NAA50: variants seen among roughly 807,000 people sequenced by gnomAD.
NAA50 encodes the protein N-alpha-acetyltransferase 50, NatE catalytic subunit, also known as N-alpha-acetyltransferase 50.
In NAA50, 7 loss-of-function variants were observed where a neutral mutation model predicts 20.7. That is an observed-to-expected ratio of 0.34 (90% CI 0.19 to 0.63). The LOEUF is 0.63. Ranked by LOEUF, NAA50 falls within the 30% of genes least tolerant of loss-of-function variation. NAA50 has a pLI of 0.75. For synonymous variants in NAA50, 54 were observed against 70.6 expected (o/e 0.77, Z 1.18); for missense variants, 111 against 199.1 (o/e 0.56, Z 2.66).
chr3:113,734,967 G>C (rs114481139), intron 1 of NAA50, among the ~76,000 whole-genome samples: 2 of 152,268 alleles, frequency 1.3e-5, no homozygotes, highest in Admixed American at 6.5e-5. Flanking sequence ...ATAAAAACTA[G>C]GTAGTAAAGG....
intron 1 of NAA50, chr3:113,741,074 C>G (rs1708407280): frequency 1.9e-6 from 1 of 515,150 alleles, no homozygotes; most frequent in Admixed American, 2.4e-5. Context: ...AAGCTGTCCA[C>G]ATACAGCATT....
chr3:113,739,187 T>C (rs957108095), intron 1 of NAA50, among the ~76,000 whole-genome samples: 4 of 152,246 alleles, frequency 2.6e-5, no homozygotes, highest in Admixed American at 6.5e-5. Context: ...AAGCTATTAG[T>C]TATTTCTATC....
chr3:113,741,217 T>C (rs183111977), intron 1 of NAA50: 4 of 469,878 alleles, frequency 8.5e-6, no homozygotes, highest in South Asian at 5.4e-5. Context: ...CTGCCCAGCA[T>C]TCCTGCTCCA....
chr3:113,742,425 C>CTTTT lies in NAA50; in HGVS notation c.8+3513_8+3516dup, dbSNP rs770744656. On this transcript the variant is annotated intron_variant, in intron 1 of 4. Transcript: ENST00000240922. The stretch of plus-strand genomic sequence containing the variant: ...TACAGACTTGCACCAGCATGCCTGG[C>CTTTT]TTTTTTTTTTTTTTTTTTGAGACAG... Among the ~76,000 whole-genome samples the CTTTT allele has an allele frequency of 1.8e-3, 233 of 130,208 alleles. 6 individuals are homozygous for CTTTT. Among genetic ancestry groups the CTTTT allele is most frequent in the African/African-American group, 6.4e-3 (222 of 34,488 alleles). 85.4% of individuals were successfully genotyped at this position (130,208 alleles called of 152,430 possible). A position where few individuals can be genotyped will look rare whatever the true frequency, so the allele number is the denominator to read the frequency against.
rs989577988 is a variant in NAA50, at chr3:113,728,995, T to C, written c.9-4900A>G. 3.9e-5 allele frequency among the ~76,000 whole-genome samples: 6 copies of C among 151,966 alleles called. No homozygotes were observed. The South Asian group carries it at 8.3e-4, about 21-fold the overall frequency. On this transcript the variant is annotated intron_variant, in intron 1 of 4. Coordinates refer to ENST00000240922, the MANE Select transcript of NAA50 (RefSeq NM_025146.4). ...ATACACTTTTTTCCTTTTCTTTTTT[T>C]TTTTTTTTGAGACGGAGTCTCCCTC...
intron 3 of NAA50, 137 bp from the exon 4 acceptor site, chr3:113,723,109 A>G: frequency 8.1e-7 from 1 of 1,232,796 alleles, no homozygotes; most frequent in South Asian, 1.8e-5. Flanking sequence ...CTTATTTTCC[A>G]AAGTTGTGTT....
intron 1 of NAA50, chr3:113,739,457 T>C (rs936253793): frequency 6.6e-6 from 1 of 152,150 alleles, no homozygotes; most frequent in East Asian, 1.9e-4. Flanking sequence ...TCTTAGGAAA[T>C]TATCCAAAAG....
In NAA50 at chr3:113,721,880, C is replaced by G. The variant is rs780698503; in HGVS notation, c.390G>C (p.Glu130Asp). 2.5e-6 allele frequency: 4 copies of G among 1,613,770 alleles called. No individual in the cohort carries two copies. The East Asian group carries it at 8.9e-5, about 36-fold the overall frequency. ...AGTAGTTCTTCTTTGTCTCAATAAT[C>G]TCAAAGCCAAACTTCCTGTAGAAGT... ...AIDFYRKFGF[E>D]IIETKKNYYK... Residue 130 changes from glutamate to aspartate, a missense_variant, in exon 5 of 5, where the codon GAG becomes GAC. By Grantham distance (45) the Glu-to-Asp change is conservative (BLOSUM62 2). Coordinates refer to ENST00000240922, the MANE Select transcript of NAA50 (RefSeq NM_025146.4).
chr3:113,726,244 G>C (rs112152836), intron 1 of NAA50, among the ~76,000 whole-genome samples: 1 of 151,940 alleles, frequency 6.6e-6, no homozygotes, highest in Non-Finnish European at 1.5e-5. Context: ...CAGCACCATA[G>C]GAAGTTTAAA....
chr3:113,744,969 C>T (rs1433342858), intron 1 of NAA50, among the ~76,000 whole-genome samples: 4 of 152,186 alleles, frequency 2.6e-5, no homozygotes, highest in African/African-American at 9.7e-5. Context: ...GTTACGACTT[C>T]TTAATCGACT....
intron 1 of NAA50, among the ~76,000 whole-genome samples, chr3:113,736,514 C>T (rs1020030170): frequency 1.3e-5 from 2 of 152,174 alleles, no homozygotes; most frequent in Non-Finnish European, 2.9e-5. Context: ...ATAAATCAAG[C>T]AGTGTGATGA....
intron 1 of NAA50, among the ~76,000 whole-genome samples, chr3:113,724,361 G>T (rs1708175213): frequency 6.6e-6 from 1 of 152,176 alleles, no homozygotes; most frequent in Admixed American, 6.5e-5. Context: ...TTCTGCAAGT[G>T]TCAAAATTTT....
At chr3:113,743,782 G>A (rs538247675) in intron 1 of NAA50, among the ~76,000 whole-genome samples, 3 of 152,208 alleles carry the variant, frequency 2.0e-5, no homozygotes, top group African/African-American at 7.2e-5. Flanking sequence ...TTCAATAGTT[G>A]TAAGTTTCCT....
intron 1 of NAA50, among the ~76,000 whole-genome samples, chr3:113,742,529 G>A (rs939624606): frequency 3.3e-5 from 5 of 151,616 alleles, no homozygotes; most frequent in Admixed American, 6.6e-5. Flanking sequence ...AGGTTCAGGT[G>A]ATTCTCCTGG....
chr3:113,720,957 C>T lies in NAA50; in HGVS notation c.*803G>A, dbSNP rs150091303. ...AACGGGAAAAAATTAAATCACAACA[C>T]ACCTCTTTAGGTCAGTTAAAGGCCA... On this transcript the variant is annotated 3_prime_UTR_variant, in exon 5 of 5. Coordinates refer to ENST00000240922, the MANE Select transcript of NAA50 (RefSeq NM_025146.4). 1 of 152,608 alleles carries T rather than the reference C, an allele frequency of 6.6e-6. No individual in the cohort carries two copies. The highest frequency in any genetic ancestry group is 1.9e-4 in the East Asian group (1 of 5,178). The allele number at this position is 152,608 out of a possible 1,614,324, so 9.5% of individuals were successfully genotyped here.
In NAA50 at chr3:113,746,039, C is replaced by T; in HGVS notation, c.-90G>A. The T allele has an allele frequency of 1.3e-6, 2 of 1,542,986 alleles. No homozygotes were observed. Among genetic ancestry groups the T allele is most frequent in the South Asian group, 1.2e-5 (1 of 86,122 alleles). On this transcript the variant is annotated 5_prime_UTR_variant, in exon 1 of 5. It adds an upstream start codon to the 5' untranslated region. Coordinates refer to ENST00000240922, the MANE Select transcript of NAA50 (RefSeq NM_025146.4). ...GTCTCCGCACCCTTAGCTCGGGCCA[C>T]TCAACCCCGCAAGCCGGCCTCCTAG...
intron 4 of NAA50, 49 bp from the exon 5 acceptor site, chr3:113,721,986 C>T: frequency 6.4e-7 from 1 of 1,554,900 alleles, no homozygotes; most frequent in Non-Finnish European, 8.7e-7. Context: ...AAGGTTTCAT[C>T]AAGTTTTAAG....
intron 2 of NAA50, 85 bp from the exon 3 acceptor site, chr3:113,723,626 C>T: frequency 7.4e-7 from 1 of 1,345,408 alleles, no homozygotes; most frequent in Non-Finnish European, 1.0e-6. Context: ...CTACACTGTT[C>T]CTATCAACAT....
chr3:113,724,764 A>G (rs1212145691), intron 1 of NAA50, among the ~76,000 whole-genome samples: 1 of 152,016 alleles, frequency 6.6e-6, no homozygotes, highest in East Asian at 1.9e-4. Flanking sequence ...TGTGAGAGGG[A>G]CCCGGCGAAT....
Sources: gnomAD v4.1 joint callset for allele counts (sites outside exome capture counted in the v4.1 genomes callset) on GRCh38, gnomAD v4.1.1 for gene constraint, MANE v1.5 for transcripts, NCBI Gene and HGNC (gene_info 2026-07-23, HGNC 2026-07-21) for gene names.